MCUB: variants seen among roughly 807,000 people sequenced by gnomAD.
MCUB encodes calcium uniporter regulatory subunit MCUb, mitochondrial.
MCUB carries 46 observed loss-of-function variants against 41.4 expected under a neutral mutation model. The observed-to-expected ratio is 1.11, with a 90% CI of 0.88 to 1.42. MCUB has a LOEUF of 1.42. Among genes scored for constraint, MCUB ranks in the 40% most tolerant of loss-of-function variants. MCUB has a pLI of 0.00. For synonymous variants in MCUB, 148 were observed against 148.2 expected (o/e 1.00, Z 0.01); for missense variants, 403 against 404.9 (o/e 1.00, Z 0.04).
At chr4:109,564,627 G>A (rs73838812) in intron 1 of MCUB, among the ~76,000 whole-genome samples, 1,722 of 152,258 alleles carry the variant, frequency 0.011, 31 homozygotes, top group African/African-American at 0.039. Flanking sequence ...CTGCCAAAAT[G>A]CAAACCTGAT....
intron 1 of MCUB, among the ~76,000 whole-genome samples, chr4:109,599,376 C>T (rs148871214): frequency 5.3e-5 from 8 of 151,864 alleles, no homozygotes; most frequent in Middle Eastern, 3.4e-3. Flanking sequence ...ACCACCGAAA[C>T]GACAGGAAAC....
chr4:109,616,462 C>CAGA lies in MCUB; in HGVS notation c.100-42547_100-42545dup, dbSNP rs1333397531. Among the ~76,000 whole-genome samples the CAGA allele has an allele frequency of 2.0e-5, 3 of 152,176 alleles. No individual in the cohort carries two copies. The East Asian group carries it at 5.8e-4, about 29-fold the overall frequency. On this transcript the variant is annotated intron_variant, in intron 1 of 7. Coordinates refer to ENST00000394650, the MANE Select transcript of MCUB (RefSeq NM_017918.5). Reference sequence around the variant, plus strand: ...ATGTTGTGAGCCATTTATTACCCAACAGAATAACCAGCTGTGAGAAGAAAA... The same window carrying CAGA: ...ATGTTGTGAGCCATTTATTACCCAACAGAAGAATAACCAGCTGTGAGAAGAAAA...
At chr4:109,606,789 C>G (rs1384091209) in intron 1 of MCUB, among the ~76,000 whole-genome samples, 1 of 152,114 alleles carries the variant, frequency 6.6e-6, no homozygotes, top group Non-Finnish European at 1.5e-5. Flanking sequence ...TCTTTTCATC[C>G]AGGCTGGAGT....
intron 1 of MCUB, among the ~76,000 whole-genome samples, chr4:109,636,443 C>T (rs1728590994): frequency 6.6e-6 from 1 of 152,126 alleles, no homozygotes; most frequent in Admixed American, 6.5e-5. Flanking sequence ...CTCTGGAAAA[C>T]ACCAACATTT....
intron 1 of MCUB, among the ~76,000 whole-genome samples, chr4:109,641,238 G>A (rs1016426795): frequency 1.3e-5 from 2 of 149,582 alleles, no homozygotes; most frequent in Admixed American, 6.6e-5. Flanking sequence ...GACTATGGGC[G>A]CCCGCCATAA....
At chr4:109,627,120 C>T (rs1238314734) in intron 1 of MCUB, among the ~76,000 whole-genome samples, 1 of 151,976 alleles carries the variant, frequency 6.6e-6, no homozygotes, top group Non-Finnish European at 1.5e-5. Flanking sequence ...CAGTTCTAGT[C>T]TTCTATTATT....
chr4:109,685,975 A>G (rs751997201), intron 7 of MCUB, among the ~76,000 whole-genome samples: 3 of 152,184 alleles, frequency 2.0e-5, no homozygotes, highest in Non-Finnish European at 4.4e-5. Context: ...TTTTATCAGT[A>G]ATTTCATAAC....
intron 1 of MCUB, among the ~76,000 whole-genome samples, chr4:109,588,985 AAAT>A (rs1352666107): frequency 6.6e-6 from 1 of 152,222 alleles, no homozygotes; most frequent in Non-Finnish European, 1.5e-5. Flanking sequence ...TCTGAAAAAA[AAAT>A]AATGAGAAGG....
chr4:109,643,371 G>T (rs1370479491), intron 1 of MCUB, among the ~76,000 whole-genome samples: 3 of 151,472 alleles, frequency 2.0e-5, no homozygotes, highest in Admixed American at 1.3e-4. Context: ...TTTTAGCAAG[G>T]ACGGGGTTTC....
At chr4:109,658,907 C>T in intron 1 of MCUB, 104 bp from the exon 2 acceptor site, 1 of 750,798 alleles carries the variant, frequency 1.3e-6, no homozygotes, top group South Asian at 1.6e-5. Flanking sequence ...TTTCATTATG[C>T]TTTTCATATA....
At chr4:109,585,251 CAG>C (rs2126127495) in intron 1 of MCUB, among the ~76,000 whole-genome samples, 1 of 152,228 alleles carries the variant, frequency 6.6e-6, no homozygotes, top group East Asian at 1.9e-4. Context: ...TCTGTTTTAT[CAG>C]AGACTAGGAT....
intron 1 of MCUB, among the ~76,000 whole-genome samples, chr4:109,628,107 A>G (rs941771526): frequency 1.3e-5 from 2 of 152,160 alleles, no homozygotes; most frequent in African/African-American, 4.8e-5. Flanking sequence ...TGGTCAGGAG[A>G]GGCCCTCTTG....
chr4:109,640,698 G>T (rs1451514358), intron 1 of MCUB, among the ~76,000 whole-genome samples: 1 of 152,192 alleles, frequency 6.6e-6, no homozygotes, highest in African/African-American at 2.4e-5. Context: ...CTTAGGCTTT[G>T]GATTAAGGGA....
chr4:109,658,623 A>G (rs1186738915), intron 1 of MCUB, among the ~76,000 whole-genome samples: 2 of 152,082 alleles, frequency 1.3e-5, no homozygotes, highest in Non-Finnish European at 1.5e-5. Context: ...ATTAGCCCCA[A>G]GATGCTCCTG....
At chr4:109,589,411 G>A (rs1338678175) in intron 1 of MCUB, among the ~76,000 whole-genome samples, 1 of 152,192 alleles carries the variant, frequency 6.6e-6, no homozygotes, top group Non-Finnish European at 1.5e-5. Context: ...CCCAGGAAGT[G>A]CTTCCCGTCT....
chr4:109,661,061 TCAC>T (rs1729220017), intron 3 of MCUB, among the ~76,000 whole-genome samples: 1 of 152,208 alleles, frequency 6.6e-6, no homozygotes, highest in Non-Finnish European at 1.5e-5. Context: ...AAAAATTTGT[TCAC>T]CACTGTTATA....
intron 1 of MCUB, among the ~76,000 whole-genome samples, chr4:109,637,328 T>A (rs1728618110): frequency 6.6e-6 from 1 of 152,202 alleles, no homozygotes; most frequent in Non-Finnish European, 1.5e-5. Context: ...AAGAGGCTAG[T>A]CACTCAGTAC....
chr4:109,629,964 G>GT (rs1463177603), intron 1 of MCUB, among the ~76,000 whole-genome samples: 2 of 152,112 alleles, frequency 1.3e-5, no homozygotes, highest in Non-Finnish European at 2.9e-5. Context: ...TCCTGCCTTG[G>GT]TCCTTCTAGT....
At chr4:109,616,413 A>G (rs183882646) in intron 1 of MCUB, among the ~76,000 whole-genome samples, 1 of 152,346 alleles carries the variant, frequency 6.6e-6, no homozygotes, top group East Asian at 1.9e-4. Flanking sequence ...CTAGTGGAAT[A>G]TGCACAATAG....
Sources: allele counts gnomAD v4.1 joint callset (sites outside exome capture counted in the v4.1 genomes callset), GRCh38; gene constraint gnomAD v4.1.1; transcripts MANE v1.5; gene names NCBI Gene and HGNC (gene_info 2026-07-23, HGNC 2026-07-21).